KCNH1: variants seen among roughly 807,000 people sequenced by gnomAD.
KCNH1 encodes the protein potassium voltage-gated channel subfamily H member 1, also known as voltage-gated delayed rectifier potassium channel KCNH1.
KCNH1 carries 27 observed loss-of-function variants against 69.2 expected under a neutral mutation model. The observed-to-expected ratio is 0.39, with a 90% CI of 0.29 to 0.54. The LOEUF (loss-of-function observed/expected upper bound fraction) is 0.54. Among genes scored for constraint, KCNH1 ranks in the 20% least tolerant of loss-of-function variants. KCNH1 has a pLI of 0.68. For synonymous variants in KCNH1, 456 were observed against 487.7 expected (o/e 0.93, Z 0.86); for missense variants, 798 against 1,261.6 (o/e 0.63, Z 5.57).
chr1:210,798,800 G>A (rs1490437770), intron 8 of KCNH1, among the ~76,000 whole-genome samples: 2 of 152,150 alleles, frequency 1.3e-5, no homozygotes, highest in Non-Finnish European at 2.9e-5. Flanking sequence ...TTTTAATGTA[G>A]AAATGACATG....
At chr1:210,967,020 G>T (rs1574367334) in intron 6 of KCNH1, among the ~76,000 whole-genome samples, 1 of 152,190 alleles carries the variant, frequency 6.6e-6, no homozygotes, top group Admixed American at 6.5e-5. Context: ...ATACACCATG[G>T]AATATTATGC....
intron 7 of KCNH1, among the ~76,000 whole-genome samples, chr1:210,887,722 CAAAA>C (rs35066964): frequency 4.7e-4 from 26 of 55,062 alleles, no homozygotes; most frequent in African/African-American, 9.9e-4. Context: ...AATGGAAAGC[CAAAA>C]AAAAAAAAAA....
intron 10 of KCNH1, among the ~76,000 whole-genome samples, chr1:210,688,228 T>C (rs531062640): frequency 1.3e-5 from 2 of 152,314 alleles, no homozygotes; most frequent in African/African-American, 4.8e-5. Flanking sequence ...TAAAATTATA[T>C]CAATGTGTAG....
intron 9 of KCNH1, among the ~76,000 whole-genome samples, chr1:210,778,948 C>T (rs1049079013): frequency 1.3e-5 from 2 of 151,614 alleles, no homozygotes; most frequent in Non-Finnish European, 2.9e-5. Flanking sequence ...ATGTAATTAC[C>T]CATATATCTA....
chr1:210,729,653 C>T (rs190215391), intron 10 of KCNH1, among the ~76,000 whole-genome samples: 109 of 152,270 alleles, frequency 7.2e-4, no homozygotes, highest in Non-Finnish European at 1.1e-3. Flanking sequence ...TGCAACACAC[C>T]TCACAACTTA....
chr1:210,859,428 G>T (rs1685926877), intron 7 of KCNH1: 4 of 1,607,630 alleles, frequency 2.5e-6, no homozygotes, highest in Admixed American at 1.7e-5. Flanking sequence ...CATCAACAGG[G>T]TTATCTTCAT....
chr1:211,124,614 AAAAG>A (rs1015257996), intron 1 of KCNH1, among the ~76,000 whole-genome samples: 6 of 152,034 alleles, frequency 3.9e-5, no homozygotes, highest in Admixed American at 1.3e-4. Flanking sequence ...AGACTCGGTC[AAAAG>A]AAAGAAAGAA....
At chr1:210,995,770 A>G (rs992549492) in intron 6 of KCNH1, among the ~76,000 whole-genome samples, 3 of 152,220 alleles carry the variant, frequency 2.0e-5, no homozygotes, top group Admixed American at 1.3e-4. Flanking sequence ...AGATTTTGCC[A>G]CTAAATAGGT....
At chr1:211,125,566 T>C (rs540667060) in intron 1 of KCNH1, among the ~76,000 whole-genome samples, 2 of 152,348 alleles carry the variant, frequency 1.3e-5, no homozygotes, top group East Asian at 3.9e-4. Context: ...TCACTCTTAA[T>C]ACAAATCAAA....
At chr1:210,797,904 ATTC>A in intron 8 of KCNH1, 144 bp from the exon 9 acceptor site, 2 of 880,040 alleles carry the variant, frequency 2.3e-6, no homozygotes, top group South Asian at 3.7e-5. Context: ...TGGAGCTTAT[ATTC>A]TTATAGATGA....
rs1681200943 is a variant in KCNH1, at chr1:210,678,961, A to G, written c.*4320T>C. On this transcript the variant is annotated 3_prime_UTR_variant, in exon 11 of 11. Coordinates refer to ENST00000271751, the MANE Select transcript of KCNH1 (RefSeq NM_172362.3). The stretch of plus-strand genomic sequence containing the variant: ...ATTCAAGTCCAGTTCTAGAGGTTCC[A>G]GAATAAGTCTGATATGCTTGCATGA... The G allele has an allele frequency of 6.6e-6, 1 of 152,264 alleles. No individual in the cohort carries two copies. The highest frequency in any genetic ancestry group is 6.5e-5 in the Admixed American group (1 of 15,292). 9.4% of individuals were successfully genotyped at this position (152,264 alleles called of 1,614,324 possible).
intron 7 of KCNH1, among the ~76,000 whole-genome samples, chr1:210,893,010 T>C (rs1391363518): frequency 6.6e-6 from 1 of 151,978 alleles, no homozygotes; most frequent in Non-Finnish European, 1.5e-5. Flanking sequence ...TTCTAAGGGG[T>C]CGGAGGAAAA....
chr1:210,832,663 C>T (rs1168863931), intron 7 of KCNH1, among the ~76,000 whole-genome samples: 1 of 151,910 alleles, frequency 6.6e-6, no homozygotes, highest in African/African-American at 2.4e-5. Context: ...AGGTAAACAC[C>T]TTCTTTCAGA....
Position 211,115,701 on chromosome 1 carries a change from C to CTATATATA in KCNH1, c.80-8332_80-8325dup, listed in dbSNP as rs201384583. Among the ~76,000 whole-genome samples, 127 of 70,740 alleles carry CTATATATA rather than the reference C, an allele frequency of 1.8e-3. 6 individuals carry two copies. Among genetic ancestry groups the CTATATATA allele is most frequent in the African/African-American group, 2.3e-3 (35 of 15,424 alleles). The allele number at this position is 70,740 out of a possible 152,430, so 46.4% of individuals were successfully genotyped here. ...GTAAGTTAATACTTAATAAACTCCC[C>CTATATATA]TATATATATATATATGTATATATAT... On this transcript the variant is annotated intron_variant, in intron 1 of 10. Transcript: ENST00000271751.
chr1:211,015,912 C>T (rs1689483174), intron 6 of KCNH1, among the ~76,000 whole-genome samples: 1 of 152,084 alleles, frequency 6.6e-6, no homozygotes, highest in Non-Finnish European at 1.5e-5. Flanking sequence ...AAGAAATTAC[C>T]AAATATAAAA....
At chr1:211,053,243 T>C (rs1690237703) in intron 5 of KCNH1, among the ~76,000 whole-genome samples, 1 of 152,204 alleles carries the variant, frequency 6.6e-6, no homozygotes, top group African/African-American at 2.4e-5. Context: ...ATCCTATTCA[T>C]AAGAGCATGA....
chr1:211,102,410 T>C (rs1029756748), intron 3 of KCNH1, among the ~76,000 whole-genome samples: 47 of 152,286 alleles, frequency 3.1e-4, no homozygotes, highest in African/African-American at 1.0e-3. Flanking sequence ...TCACAGTCTT[T>C]CCCTTCGTTC....
Position 210,806,198 on chromosome 1 carries a change from C to T in KCNH1, c.1463-2032G>A, listed in dbSNP as rs192103668. On this transcript the variant is annotated intron_variant, in intron 7 of 10. Coordinates refer to ENST00000271751, the MANE Select transcript of KCNH1 (RefSeq NM_172362.3). ...TTCCTGCCAGCAGTCTATAAGAGTTCCAGTGTCTCAATATCCTCATTAACA... is the reference window on the plus strand; with the variant it reads ...TTCCTGCCAGCAGTCTATAAGAGTTTCAGTGTCTCAATATCCTCATTAACA... 1.7e-3 allele frequency among the ~76,000 whole-genome samples: 265 copies of T among 152,298 alleles called. 2 individuals carry two copies. In the Middle Eastern group the frequency reaches 0.02, roughly 12 times the overall value.
chr1:210,706,265 A>T (rs1681911182), intron 10 of KCNH1, among the ~76,000 whole-genome samples: 1 of 152,186 alleles, frequency 6.6e-6, no homozygotes, highest in South Asian at 2.1e-4. Context: ...CAGCTCTTGC[A>T]GGGGTGGACC....
Sources: gnomAD v4.1 joint callset for allele counts (sites outside exome capture counted in the v4.1 genomes callset) on GRCh38, gnomAD v4.1.1 for gene constraint, MANE v1.5 for transcripts, NCBI Gene and HGNC (gene_info 2026-07-23, HGNC 2026-07-21) for gene names.